C11orf96: variants seen among roughly 807,000 people sequenced by gnomAD.
C11orf96 encodes the protein chromosome 11 open reading frame 96.
Under a neutral mutation model 7.6 loss-of-function variants are expected in C11orf96, and 6 were observed. That is an observed-to-expected ratio of 0.79 (90% CI 0.43 to 1.55). C11orf96 has a LOEUF of 1.55. Ranked by LOEUF, C11orf96 falls within the 40% of genes most tolerant of loss-of-function variation. The pLI is 0.01. For synonymous variants in C11orf96, 72 were observed against 79.0 expected (o/e 0.91, Z 0.47); for missense variants, 150 against 167.3 (o/e 0.90, Z 0.57).
Position 43,943,834 on chromosome 11 carries a change from G to A in C11orf96, c.*561G>A. 7.7e-7 allele frequency: 1 copy of A among 1,297,024 alleles called. No individual in the cohort carries two copies. Among genetic ancestry groups the A allele is most frequent in the Non-Finnish European group, 1.0e-6 (1 of 984,666 alleles). The allele number at this position is 1,297,024 out of a possible 1,614,324, so 80.3% of individuals were successfully genotyped here. A position where few individuals can be genotyped will look rare whatever the true frequency, so the allele number is the denominator to read the frequency against. On this transcript the variant is annotated 3_prime_UTR_variant, in exon 1 of 1. Coordinates refer to ENST00000617612, the MANE Select transcript of C11orf96 (RefSeq NM_001145033.2). The surrounding 1 kb of genome is among the most constrained non-coding windows in gnomAD (Gnocchi z 4.8). Reference sequence around the variant, plus strand: ...ACGATCTTTTTACCTGGATATGTCTGTGAGGCTCCTGAAAGGAGACAAATA... The same window carrying A: ...ACGATCTTTTTACCTGGATATGTCTATGAGGCTCCTGAAAGGAGACAAATA...
Position 43,943,005 on chromosome 11 carries a change from G to T in C11orf96, c.101G>T (p.Arg34Leu). 1 of 1,504,616 alleles carries T rather than the reference G, an allele frequency of 6.6e-7. No homozygotes were observed. Among genetic ancestry groups the T allele is most frequent in the Non-Finnish European group, 8.9e-7 (1 of 1,126,650 alleles). The allele number at this position is 1,504,616 out of a possible 1,614,324, so 93.2% of individuals were successfully genotyped here. The change falls in exon 1 of 1, where the codon CGG becomes CTG. Residue 34 changes from arginine to leucine, a missense_variant. Around this residue, in one of 3 missense-constraint regions of C11orf96, gnomAD observed 77 missense variants for 80.5 expected, o/e 0.96. Transcript: ENST00000617612. The surrounding 1 kb of genome is among the most constrained non-coding windows in gnomAD (Gnocchi z 4.8). ...CLADEFPQPV[R>L]PAKLPKGRGR... is the part of the protein sequence containing the mutation. Reference sequence around the variant, plus strand: ...GCCGACGAGTTCCCGCAGCCCGTGCGGCCCGCCAAGCTGCCCAAGGGCCGG... The same window carrying T: ...GCCGACGAGTTCCCGCAGCCCGTGCTGCCCGCCAAGCTGCCCAAGGGCCGG...
At position 43,943,418 on chromosome 11, in the gene C11orf96, G is replaced by T. The variant is rs959291175; in HGVS notation, c.*145G>T. On this transcript the variant is annotated 3_prime_UTR_variant, in exon 1 of 1. Transcript: ENST00000617612. The surrounding 1 kb of genome is among the most constrained non-coding windows in gnomAD (Gnocchi z 4.8). Reference sequence around the variant, plus strand: ...CCTCGCGCGCTCGGACTCCCGCCCCGCTGCGAACCGGTCGGTGCGCCCCTC... The same window carrying T: ...CCTCGCGCGCTCGGACTCCCGCCCCTCTGCGAACCGGTCGGTGCGCCCCTC... The T allele has an allele frequency of 4.2e-6, 6 of 1,444,130 alleles. No homozygotes were observed. Among genetic ancestry groups the T allele is most frequent in the African/African-American group, 1.5e-5 (1 of 68,728 alleles). The allele number at this position is 1,444,130 out of a possible 1,614,324, so 89.5% of individuals were successfully genotyped here.
rs1238439864 is a variant in C11orf96, at chr11:43,943,361, CG to C, written c.*93del. 1 of 1,390,650 alleles carries C rather than the reference CG, an allele frequency of 7.2e-7. No homozygotes were observed. The highest frequency in any genetic ancestry group is 9.3e-7 in the Non-Finnish European group (1 of 1,078,630). The allele number at this position is 1,390,650 out of a possible 1,614,324, so 86.1% of individuals were successfully genotyped here. A position where few individuals can be genotyped will look rare whatever the true frequency, so the allele number is the denominator to read the frequency against. On this transcript the variant is annotated 3_prime_UTR_variant, in exon 1 of 1. Transcript: ENST00000617612. This position sits in a 1 kb window ranked among gnomAD's most constrained non-coding sequence, Gnocchi z 4.8. The stretch of plus-strand genomic sequence containing the variant: ...CCCGAGAGTGCCCGCGCCCTGCTCC[CG>C]GGGGACCCGCAAGGACCCGGGACCG...
chr11:43,943,710 T>C lies in C11orf96; in HGVS notation c.*437T>C, dbSNP rs1181483776. On this transcript the variant is annotated 3_prime_UTR_variant, in exon 1 of 1. Coordinates refer to ENST00000617612, the MANE Select transcript of C11orf96 (RefSeq NM_001145033.2). The surrounding 1 kb of genome is among the most constrained non-coding windows in gnomAD (Gnocchi z 4.8). Reference sequence around the variant, plus strand: ...TCTCGCTGAACACTTTTATAATTGTTAGGCGTGGCCGTTGGGACTTTGGGC... The same window carrying C: ...TCTCGCTGAACACTTTTATAATTGTCAGGCGTGGCCGTTGGGACTTTGGGC... 2 of 1,304,426 alleles carry C rather than the reference T, an allele frequency of 1.5e-6. No individual in the cohort carries two copies. The highest frequency in any genetic ancestry group is 2.0e-6 in the Non-Finnish European group (2 of 989,048). The allele number at this position is 1,304,426 out of a possible 1,614,324, so 80.8% of individuals were successfully genotyped here.
Position 43,943,264 on chromosome 11 carries a change from G to A in C11orf96, c.360G>A (p.Ser120=), listed in dbSNP as rs769800720. The A allele has an allele frequency of 1.3e-6, 2 of 1,500,206 alleles. No individual in the cohort carries two copies. The highest frequency in any genetic ancestry group is 5.7e-5 in the East Asian group (2 of 35,342). The allele number at this position is 1,500,206 out of a possible 1,614,324, so 92.9% of individuals were successfully genotyped here. Residue 120 remains serine, a synonymous_variant, in exon 1 of 1, where the codon TCG becomes TCA. Coordinates refer to ENST00000617612, the MANE Select transcript of C11orf96 (RefSeq NM_001145033.2). This position sits in a 1 kb window ranked among gnomAD's most constrained non-coding sequence, Gnocchi z 4.8. ...GCCTGGACTCCAGCGACTCCGACTC[G>A]GCCCTGTAAGGGGCGCCGCCCGCGG... ...RNSLDSSDSD[S]AL
Position 43,943,436 on chromosome 11 carries a change from C to A in C11orf96, c.*163C>A, listed in dbSNP as rs535373119. 7.7e-6 allele frequency: 11 copies of A among 1,435,512 alleles called. No individual in the cohort carries two copies. Among genetic ancestry groups the A allele is most frequent in the East Asian group, 3.4e-5 (1 of 29,204 alleles). The allele number at this position is 1,435,512 out of a possible 1,614,324, so 88.9% of individuals were successfully genotyped here. ...CCGCCCCGCTGCGAACCGGTCGGTG[C>A]GCCCCTCGCCGCGCTCGCCCTGGCC... On this transcript the variant is annotated 3_prime_UTR_variant, in exon 1 of 1. Coordinates refer to ENST00000617612, the MANE Select transcript of C11orf96 (RefSeq NM_001145033.2). This position sits in a 1 kb window ranked among gnomAD's most constrained non-coding sequence, Gnocchi z 4.8.
In C11orf96 at chr11:43,943,448, C is replaced by T. The variant is rs7118458; in HGVS notation, c.*175C>T. 2,297 of 1,431,408 alleles carry T rather than the reference C, an allele frequency of 1.6e-3. 23 individuals carry two copies. The African/African-American group carries it at 0.029, about 18-fold the overall frequency. 88.7% of individuals were successfully genotyped at this position (1,431,408 alleles called of 1,614,324 possible). A position where few individuals can be genotyped will look rare whatever the true frequency, so the allele number is the denominator to read the frequency against. The stretch of plus-strand genomic sequence containing the variant: ...GAACCGGTCGGTGCGCCCCTCGCCG[C>T]GCTCGCCCTGGCCCGGGAGCGCCGG... On this transcript the variant is annotated 3_prime_UTR_variant, in exon 1 of 1. Coordinates refer to ENST00000617612, the MANE Select transcript of C11orf96 (RefSeq NM_001145033.2). The surrounding 1 kb of genome is among the most constrained non-coding windows in gnomAD (Gnocchi z 4.8).
chr11:43,943,768 A>G lies in C11orf96; in HGVS notation c.*495A>G, dbSNP rs1799832746. On this transcript the variant is annotated 3_prime_UTR_variant, in exon 1 of 1. Transcript: ENST00000617612. The surrounding 1 kb of genome is among the most constrained non-coding windows in gnomAD (Gnocchi z 4.8). The stretch of plus-strand genomic sequence containing the variant: ...GGCTGCTACTGCGTCTGGAGGATTG[A>G]TATTTATTTTTGCATTGCGATGGCT... The G allele has an allele frequency of 7.7e-7, 1 of 1,304,118 alleles. No individual in the cohort carries two copies. Among genetic ancestry groups the G allele is most frequent in the Non-Finnish European group, 1.0e-6 (1 of 988,846 alleles). 80.8% of individuals were successfully genotyped at this position (1,304,118 alleles called of 1,614,324 possible). A position where few individuals can be genotyped will look rare whatever the true frequency, so the allele number is the denominator to read the frequency against.
rs1370543112 is a variant in C11orf96, at chr11:43,943,768, ATATT to A, written c.*501_*504del. 7.7e-7 allele frequency: 1 copy of A among 1,304,118 alleles called. No homozygotes were observed. The highest frequency in any genetic ancestry group is 5.6e-5 in the East Asian group (1 of 18,012). 80.8% of individuals were successfully genotyped at this position (1,304,118 alleles called of 1,614,324 possible). A position where few individuals can be genotyped will look rare whatever the true frequency, so the allele number is the denominator to read the frequency against. ...GGCTGCTACTGCGTCTGGAGGATTG[ATATT>A]TATTTTTGCATTGCGATGGCTGAAG... On this transcript the variant is annotated 3_prime_UTR_variant, in exon 1 of 1. Coordinates refer to ENST00000617612, the MANE Select transcript of C11orf96 (RefSeq NM_001145033.2). The surrounding 1 kb of genome is among the most constrained non-coding windows in gnomAD (Gnocchi z 4.8).
chr11:43,942,952 G>A lies in C11orf96; in HGVS notation c.48G>A (p.Gln16=). 1 of 1,475,358 alleles carries A rather than the reference G, an allele frequency of 6.8e-7. No individual in the cohort carries two copies. Among genetic ancestry groups the A allele is most frequent in the Non-Finnish European group, 9.0e-7 (1 of 1,116,066 alleles). The allele number at this position is 1,475,358 out of a possible 1,614,324, so 91.4% of individuals were successfully genotyped here. Residue 16 remains glutamine (Q), a synonymous_variant, in exon 1 of 1, where the codon CAG becomes CAA. Transcript: ENST00000617612. ...GELMGICSSY[Q]AVMPHFVCLA... ...TGATGGGCATCTGCTCCAGTTACCA[G>A]GCGGTGATGCCGCACTTCGTGTGCC...
In C11orf96 at chr11:43,942,896, G is replaced by A. The variant is rs952790445; in HGVS notation, c.-9G>A. 2.9e-6 allele frequency: 4 copies of A among 1,357,656 alleles called. No homozygotes were observed. The highest frequency in any genetic ancestry group is 3.8e-6 in the Non-Finnish European group (4 of 1,054,470). The allele number at this position is 1,357,656 out of a possible 1,614,324, so 84.1% of individuals were successfully genotyped here. A position where few individuals can be genotyped will look rare whatever the true frequency, so the allele number is the denominator to read the frequency against. On this transcript the variant is annotated 5_prime_UTR_variant, in exon 1 of 1. Coordinates refer to ENST00000617612, the MANE Select transcript of C11orf96 (RefSeq NM_001145033.2). ...CCCGCCGCCCGGCCCCGCAGACGCC[G>A]GAGGCGCCATGGCCGCCAAGCCCGG...
chr11:43,942,890 G>C lies in C11orf96; in HGVS notation c.-15G>C. On this transcript the variant is annotated 5_prime_UTR_variant, in exon 1 of 1. Coordinates refer to ENST00000617612, the MANE Select transcript of C11orf96 (RefSeq NM_001145033.2). Reference sequence around the variant, plus strand: ...CGGCGCCCCGCCGCCCGGCCCCGCAGACGCCGGAGGCGCCATGGCCGCCAA... The same window carrying C: ...CGGCGCCCCGCCGCCCGGCCCCGCACACGCCGGAGGCGCCATGGCCGCCAA... 7.5e-7 allele frequency: 1 copy of C among 1,328,334 alleles called. No homozygotes were observed. Among genetic ancestry groups the C allele is most frequent in the Non-Finnish European group, 9.6e-7 (1 of 1,039,450 alleles). The allele number at this position is 1,328,334 out of a possible 1,614,324, so 82.3% of individuals were successfully genotyped here.
rs771571091 is a variant in C11orf96 at position 43,943,526 on chromosome 11, A to G, written c.*253A>G. On this transcript the variant is annotated 3_prime_UTR_variant, in exon 1 of 1. Transcript: ENST00000617612. This position sits in a 1 kb window ranked among gnomAD's most constrained non-coding sequence, Gnocchi z 4.8. ...AAATGTTTATTTTTTAACTCTTCCC[A>G]GTGCGAACTCTGCTGTGAGTGTGTG... The G allele has an allele frequency of 1.5e-6, 2 of 1,332,602 alleles. No homozygotes were observed. The highest frequency in any genetic ancestry group is 1.2e-5 in the South Asian group (1 of 81,302). The allele number at this position is 1,332,602 out of a possible 1,614,324, so 82.5% of individuals were successfully genotyped here.
In C11orf96 at chr11:43,943,011, C is replaced by T; in HGVS notation, c.107C>T (p.Ala36Val). ...GAGTTCCCGCAGCCCGTGCGGCCCG[C>T]CAAGCTGCCCAAGGGCCGGGGCCGG... ...ADEFPQPVRP[A>V]KLPKGRGRLR... is the part of the protein sequence containing the mutation. Residue 36 changes from alanine to valine, a missense_variant, in exon 1 of 1, where the codon GCC becomes GTC. By Grantham distance (64) the Ala-to-Val change is moderately conservative. This residue lies in a region of C11orf96 where 77 missense variants were observed against 80.5 expected (regional missense o/e 0.96). Coordinates refer to ENST00000617612, the MANE Select transcript of C11orf96 (RefSeq NM_001145033.2). The surrounding 1 kb of genome is among the most constrained non-coding windows in gnomAD (Gnocchi z 4.8). 6.6e-7 allele frequency: 1 copy of T among 1,506,818 alleles called. No individual in the cohort carries two copies. Among genetic ancestry groups the T allele is most frequent in the Non-Finnish European group, 8.9e-7 (1 of 1,127,648 alleles). The allele number at this position is 1,506,818 out of a possible 1,614,324, so 93.3% of individuals were successfully genotyped here.
rs951519778 is a variant in C11orf96 at position 43,943,568 on chromosome 11, C to G, written c.*295C>G. On this transcript the variant is annotated 3_prime_UTR_variant, in exon 1 of 1. Coordinates refer to ENST00000617612, the MANE Select transcript of C11orf96 (RefSeq NM_001145033.2). The surrounding 1 kb of genome is among the most constrained non-coding windows in gnomAD (Gnocchi z 4.8). The stretch of plus-strand genomic sequence containing the variant: ...GAGTGTGTGCGGGGAGGCGCGCCCG[C>G]GCTGAGTCGGCGGCGGGTAGCCACT... The G allele has an allele frequency of 1.5e-6, 2 of 1,314,916 alleles. No individual in the cohort carries two copies. The highest frequency in any genetic ancestry group is 4.6e-5 in the Admixed American group (2 of 43,914). 81.5% of individuals were successfully genotyped at this position (1,314,916 alleles called of 1,614,324 possible).
chr11:43,943,355 T>C lies in C11orf96; in HGVS notation c.*82T>C, dbSNP rs1378314134. On this transcript the variant is annotated 3_prime_UTR_variant, in exon 1 of 1. Transcript: ENST00000617612. The surrounding 1 kb of genome is among the most constrained non-coding windows in gnomAD (Gnocchi z 4.8). ...GTGAACCCCGAGAGTGCCCGCGCCCTGCTCCCGGGGGACCCGCAAGGACCC... is the reference window on the plus strand; with the variant it reads ...GTGAACCCCGAGAGTGCCCGCGCCCCGCTCCCGGGGGACCCGCAAGGACCC... 7.2e-7 allele frequency: 1 copy of C among 1,383,478 alleles called. No homozygotes were observed. The highest frequency in any genetic ancestry group is 9.3e-7 in the Non-Finnish European group (1 of 1,074,684). 85.7% of individuals were successfully genotyped at this position (1,383,478 alleles called of 1,614,324 possible).
In C11orf96 at chr11:43,943,308, C is replaced by G; in HGVS notation, c.*35C>G. On this transcript the variant is annotated 3_prime_UTR_variant, in exon 1 of 1. Transcript: ENST00000617612. This position sits in a 1 kb window ranked among gnomAD's most constrained non-coding sequence, Gnocchi z 4.8. The stretch of plus-strand genomic sequence containing the variant: ...CCCGCGGGGGGGACGCGCGCGTCCG[C>G]GGTCCGCGCGGGGACCGGCGTGTGA... 6.9e-7 allele frequency: 1 copy of G among 1,443,204 alleles called. No homozygotes were observed. The highest frequency in any genetic ancestry group is 1.5e-5 in the South Asian group (1 of 68,484). The allele number at this position is 1,443,204 out of a possible 1,614,324, so 89.4% of individuals were successfully genotyped here.
chr11:43,943,118 TC>T lies in C11orf96; in HGVS notation c.219del (p.Met74TrpfsTer36). The T allele has an allele frequency of 6.7e-7, 1 of 1,494,132 alleles. No individual in the cohort carries two copies. Among genetic ancestry groups the T allele is most frequent in the Non-Finnish European group, 8.9e-7 (1 of 1,120,344 alleles). 92.6% of individuals were successfully genotyped at this position (1,494,132 alleles called of 1,614,324 possible). A position where few individuals can be genotyped will look rare whatever the true frequency, so the allele number is the denominator to read the frequency against. On this transcript the variant is annotated frameshift_variant, in exon 1 of 1. Coordinates refer to ENST00000617612, the MANE Select transcript of C11orf96 (RefSeq NM_001145033.2). LOFTEE classifies it high-confidence loss of function. The surrounding 1 kb of genome is among the most constrained non-coding windows in gnomAD (Gnocchi z 4.8). Reference sequence around the variant, plus strand: ...CCAGGAGGTGGAGGAGGAGGGGGTGTCCCCCATGGAGGAGGAGAAGGCCAAG... The same window carrying T: ...CCAGGAGGTGGAGGAGGAGGGGGTGTCCCCATGGAGGAGGAGAAGGCCAAG... ...EIQEVEEEGV[S>X]PMEEEKAKKS... is the part of the protein sequence containing the mutation.
Position 43,943,814 on chromosome 11 carries a change from CT to C in C11orf96, c.*546del. 7.7e-7 allele frequency: 1 copy of C among 1,302,410 alleles called. No individual in the cohort carries two copies. The highest frequency in any genetic ancestry group is 1.0e-6 in the Non-Finnish European group (1 of 987,696). The allele number at this position is 1,302,410 out of a possible 1,614,324, so 80.7% of individuals were successfully genotyped here. A position where few individuals can be genotyped will look rare whatever the true frequency, so the allele number is the denominator to read the frequency against. On this transcript the variant is annotated 3_prime_UTR_variant, in exon 1 of 1. Transcript: ENST00000617612. This position sits in a 1 kb window ranked among gnomAD's most constrained non-coding sequence, Gnocchi z 4.8. The stretch of plus-strand genomic sequence containing the variant: ...TGGCTGAAGGCATTTATTTAACGAT[CT>C]TTTTACCTGGATATGTCTGTGAGGC...
Sources: allele counts gnomAD v4.1 joint callset, GRCh38; gene constraint gnomAD v4.1.1; regional missense constraint gnomAD v4.1.1; non-coding constraint Gnocchi (gnomAD v3.1); transcripts MANE v1.5; gene names NCBI Gene and HGNC (gene_info 2026-07-23, HGNC 2026-07-21).